The following CNOT2 variants were observed in gnomAD, a reference collection of about 807,000 sequenced individuals.
The protein encoded by CNOT2 is CC chemokine receptor 4-negative regulator of transcription 2.
A neutral mutation model predicts 72.1 loss-of-function variants in CNOT2; 7 were observed. The observed-to-expected ratio is 0.10, with a 90% CI of 0.06 to 0.18. The LOEUF is 0.18. CNOT2 is among the 10% of genes least tolerant of loss of function. The pLI is 1.00. For missense variants in CNOT2, 345 were observed against 660.3 expected, an observed-to-expected ratio of 0.52 and a Z score of 5.23; for synonymous variants, 196 against 225.6, an observed-to-expected ratio of 0.87 and a Z score of 1.17.
At chr12:70,302,639 T>C (rs1440597942) in intron 2 of CNOT2, among the ~76,000 whole-genome samples, 1 of 152,226 alleles carries the variant, frequency 6.6e-6, no homozygotes, top group African/African-American at 2.4e-5. Context: ...CTTCCAACTA[T>C]GTGGTCAACT....
chr12:70,254,145 G>C (rs1430070275), intron 1 of CNOT2, among the ~76,000 whole-genome samples: 2 of 151,502 alleles, frequency 1.3e-5, no homozygotes, highest in East Asian at 3.9e-4. Flanking sequence ...GGCGGAGGCA[G>C]GAGAATCGCT....
At chr12:70,291,183 G>A (rs1871839021) in intron 2 of CNOT2, among the ~76,000 whole-genome samples, 1 of 151,990 alleles carries the variant, frequency 6.6e-6, no homozygotes, top group Non-Finnish European at 1.5e-5. Flanking sequence ...TTTCTCAGCT[G>A]TCAGGTAAAA....
chr12:70,247,516 C>T (rs1957935868), intron 1 of CNOT2, among the ~76,000 whole-genome samples: 1 of 152,074 alleles, frequency 6.6e-6, no homozygotes, highest in African/African-American at 2.4e-5. Context: ...GGTGGTAGTG[C>T]ATATTTTATG....
chr12:70,291,097 C>T lies in CNOT2; in HGVS notation c.48+12823C>T, dbSNP rs531332811. Among the ~76,000 whole-genome samples, 4 of 152,234 alleles carry T rather than the reference C, an allele frequency of 2.6e-5. No individual in the cohort carries two copies. In the East Asian group the frequency reaches 7.7e-4, roughly 29 times the overall value. On this transcript the variant is annotated intron_variant, in intron 2 of 15. Transcript: ENST00000229195. ...GATTCAATTTAACTTAAAAATTGGA[C>T]TGTTTCCTCTGAATTTCCTGATTCC...
At chr12:70,269,342 C>G (rs948437702) in intron 1 of CNOT2, among the ~76,000 whole-genome samples, 1 of 151,050 alleles carries the variant, frequency 6.6e-6, no homozygotes, top group East Asian at 1.9e-4. Flanking sequence ...TGCCAACAAC[C>G]TTGTTCATGC....
intron 2 of CNOT2, chr12:70,297,945 C>G: frequency 5.7e-6 from 1 of 174,050 alleles, no homozygotes; most frequent in South Asian, 9.3e-5. Flanking sequence ...CCATGTTGGC[C>G]AGGCTGCTCT....
intron 13 of CNOT2, among the ~76,000 whole-genome samples, chr12:70,343,165 C>T (rs1238142965): frequency 1.3e-5 from 2 of 152,106 alleles, no homozygotes; most frequent in African/African-American, 2.4e-5. Context: ...CTCCAATTAC[C>T]AAAGTGTTCC....
chr12:70,337,808 G>C (rs1326530274), intron 9 of CNOT2: 2 of 473,032 alleles, frequency 4.2e-6, no homozygotes, highest in Non-Finnish European at 8.3e-6. Context: ...CTAAGGAGCT[G>C]TGTTTTTCTT....
At chr12:70,274,307 C>A (rs548748027) in intron 1 of CNOT2, among the ~76,000 whole-genome samples, 15 of 152,100 alleles carry the variant, frequency 9.9e-5, no homozygotes, top group Admixed American at 9.8e-4. Context: ...ATTTGAGGAA[C>A]CCTTATTTTA....
At chr12:70,290,749 C>T (rs1210641745) in intron 2 of CNOT2, 4 of 151,820 alleles carry the variant, frequency 2.6e-5, no homozygotes, top group Non-Finnish European at 5.9e-5. Context: ...ACTATGTTGC[C>T]CAGGCTTGTC....
intron 1 of CNOT2, among the ~76,000 whole-genome samples, chr12:70,250,480 A>G (rs1194809192): frequency 6.6e-6 from 1 of 152,078 alleles, no homozygotes; most frequent in African/African-American, 2.4e-5. Context: ...TGGATATATG[A>G]CGGTGATCCA....
At chr12:70,346,607 G>A in intron 15 of CNOT2, 1 of 234,344 alleles carries the variant, frequency 4.3e-6, no homozygotes. Context: ...GTAAAATAAA[G>A]ATACTCTCTT....
chr12:70,351,468 AT>A (rs1882856163), intron 15 of CNOT2, among the ~76,000 whole-genome samples: 1 of 152,176 alleles, frequency 6.6e-6, no homozygotes, highest in African/African-American at 2.4e-5. Context: ...GGAAGGCAAA[AT>A]TTTACCTATG....
In CNOT2 at chr12:70,285,891, A is replaced by G. The variant is rs549994977; in HGVS notation, c.48+7617A>G. 6.8e-4 allele frequency among the ~76,000 whole-genome samples: 104 copies of G among 152,092 alleles called. 1 individual carries two copies. Among genetic ancestry groups the G allele is most frequent in the Admixed American group, 1.6e-3 (24 of 15,270 alleles). On this transcript the variant is annotated intron_variant, in intron 2 of 15. Transcript: ENST00000229195. ...TTGGGAGAGATTTTGTCAACCTCAT[A>G]AGGTGAGTGAGGAACCCATGGTAAG...
At chr12:70,283,870 C>G (rs986465577) in intron 2 of CNOT2, among the ~76,000 whole-genome samples, 2 of 150,868 alleles carry the variant, frequency 1.3e-5, no homozygotes, top group Non-Finnish European at 2.9e-5. Context: ...ATTGTGAAAG[C>G]TCTGTTCATG....
intron 1 of CNOT2, among the ~76,000 whole-genome samples, chr12:70,260,223 C>T (rs1958680705): frequency 1.3e-5 from 2 of 152,064 alleles, no homozygotes; most frequent in Admixed American, 6.5e-5. Context: ...TGTGTTGAAA[C>T]TGAACATGGG....
chr12:70,346,497 T>C (rs1882193655), intron 15 of CNOT2, 173 bp downstream of exon 15: 3 of 463,700 alleles, frequency 6.5e-6, no homozygotes, highest in East Asian at 3.3e-5. Flanking sequence ...CCCAAAACAA[T>C]TGGTTTCACT....
In CNOT2 at chr12:70,347,853, T is replaced by A. The variant is rs571247112; in HGVS notation, c.1536+1529T>A. ...TGTATTTATGAGTTAACCTTCTAGT[T>A]AAATAATCACATTAATTAAAAATAG... On this transcript the variant is annotated intron_variant, in intron 15 of 15. Coordinates refer to ENST00000229195, the MANE Select transcript of CNOT2 (RefSeq NM_014515.7). 2.6e-5 allele frequency: 4 copies of A among 152,338 alleles called. No homozygotes were observed. In the South Asian group the frequency reaches 8.3e-4, roughly 32 times the overall value. 9.4% of individuals were successfully genotyped at this position (152,338 alleles called of 1,614,324 possible). A position where few individuals can be genotyped will look rare whatever the true frequency, so the allele number is the denominator to read the frequency against.
intron 2 of CNOT2, among the ~76,000 whole-genome samples, chr12:70,304,875 G>A (rs970431929): frequency 2.0e-5 from 3 of 152,206 alleles, no homozygotes; most frequent in East Asian, 1.9e-4. Context: ...TGGCAATGGC[G>A]GGCACCCCTC....
Sources: gnomAD v4.1 joint callset for allele counts (sites outside exome capture counted in the v4.1 genomes callset) on GRCh38, gnomAD v4.1.1 for gene constraint, MANE v1.5 for transcripts, NCBI Gene and HGNC (gene_info 2026-07-23, HGNC 2026-07-21) for gene names.